SAMMSON: variants seen among roughly 807,000 people sequenced by gnomAD.
SAMMSON encodes long intergenic non-protein coding RNA 1212.
chr3:70,305,334 C>G (rs1351176644), intron 7 of SAMMSON, among the ~76,000 whole-genome samples: 1 of 151,978 alleles, frequency 6.6e-6, no homozygotes, highest in Non-Finnish European at 1.5e-5. Context: ...TTAATGAAAA[C>G]TACAGAAATA....
intron 3 of SAMMSON, among the ~76,000 whole-genome samples, chr3:70,038,735 G>T (rs369661901): frequency 1.3e-5 from 2 of 152,260 alleles, no homozygotes; most frequent in African/African-American, 4.8e-5. Flanking sequence ...GATGGACTCT[G>T]GGAGCCCCAC....
chr3:70,395,595 A>G (rs1427538441), intron 2 of SAMMSON, among the ~76,000 whole-genome samples: 1 of 152,096 alleles, frequency 6.6e-6, no homozygotes, highest in Non-Finnish European at 1.5e-5. Context: ...CTACTCAGAA[A>G]TCTACTTGAG....
At chr3:70,266,790 A>G (rs1435995467) in intron 6 of SAMMSON, among the ~76,000 whole-genome samples, 2 of 152,142 alleles carry the variant, frequency 1.3e-5, no homozygotes, top group African/African-American at 4.8e-5. Context: ...TTGAAACATG[A>G]ATCAGCTTCA....
At chr3:70,064,664 A>G (rs867750014) in intron 3 of SAMMSON, among the ~76,000 whole-genome samples, 2 of 152,124 alleles carry the variant, frequency 1.3e-5, no homozygotes, top group Admixed American at 1.3e-4. Flanking sequence ...CCAAGGGAAG[A>G]AAGCTGTTAG....
intron 7 of SAMMSON, among the ~76,000 whole-genome samples, chr3:70,298,971 C>T (rs1031543615): frequency 6.6e-6 from 1 of 152,120 alleles, no homozygotes; most frequent in Admixed American, 6.5e-5. Context: ...TAAGCTGAGG[C>T]ATTGATGTGC....
At chr3:70,167,566 G>GA (rs1281340620) in intron 4 of SAMMSON, among the ~76,000 whole-genome samples, 1 of 151,880 alleles carries the variant, frequency 6.6e-6, no homozygotes, top group East Asian at 1.9e-4. Flanking sequence ...GCTGAGCTGA[G>GA]AAAAATATGG....
chr3:70,164,907 C>T (rs1472728839), intron 4 of SAMMSON, among the ~76,000 whole-genome samples: 1 of 152,036 alleles, frequency 6.6e-6, no homozygotes, highest in South Asian at 2.1e-4. Context: ...AGAAAACTTA[C>T]AAACTGCTTC....
At chr3:70,144,453 A>G (rs1391484400) in intron 4 of SAMMSON, among the ~76,000 whole-genome samples, 2 of 152,172 alleles carry the variant, frequency 1.3e-5, no homozygotes, top group Non-Finnish European at 2.9e-5. Flanking sequence ...TGCTGCTGTC[A>G]TCAGATTCCC....
intron 3 of SAMMSON, chr3:70,069,973 T>A (rs2067223906): frequency 6.6e-6 from 1 of 152,104 alleles, no homozygotes; most frequent in Non-Finnish European, 1.5e-5. Flanking sequence ...TTCCTTCTGA[T>A]CTGAGTCAAT....
intron 4 of SAMMSON, among the ~76,000 whole-genome samples, chr3:70,209,701 G>A (rs1484359474): frequency 2.0e-5 from 3 of 152,016 alleles, no homozygotes; most frequent in African/African-American, 7.2e-5. Context: ...TGTTTTCTCT[G>A]ATTTATTCTT....
rs113365904 is a variant in SAMMSON, at chr3:70,043,544, G to A, written n.418-27932G>A. 4.0e-3 allele frequency among the ~76,000 whole-genome samples: 608 copies of A among 152,048 alleles called. 7 individuals are homozygous for A. The highest frequency in any genetic ancestry group is 0.014 in the African/African-American group (584 of 41,506). ...ACTGTGGTAGTTGTTTATTTTTGTC[G>A]CTCTTATGTACATTTTCAGAAACCA... is the stretch of plus-strand genomic sequence containing the variant. On this transcript the variant is annotated intron_variant and non_coding_transcript_variant, in intron 3 of 9. Coordinates refer to ENST00000642114, the Ensembl canonical transcript of SAMMSON.
chr3:70,185,182 T>A (rs1559530133), intron 4 of SAMMSON, among the ~76,000 whole-genome samples: 1 of 152,166 alleles, frequency 6.6e-6, no homozygotes, highest in Non-Finnish European at 1.5e-5. Context: ...AGCATCAGAC[T>A]CCACAGAACA....
At chr3:70,022,226 A>G (rs909143303) in intron 3 of SAMMSON, among the ~76,000 whole-genome samples, 2 of 143,082 alleles carry the variant, frequency 1.4e-5, no homozygotes, top group Non-Finnish European at 3.0e-5. Flanking sequence ...TGATATTCCA[A>G]CTGGCCCCCC....
chr3:70,086,356 G>A (rs1179161097), intron 4 of SAMMSON, among the ~76,000 whole-genome samples: 2 of 152,148 alleles, frequency 1.3e-5, no homozygotes, highest in Non-Finnish European at 2.9e-5. Flanking sequence ...TAACCAAGAC[G>A]AATTTGGGTA....
intron 3 of SAMMSON, among the ~76,000 whole-genome samples, chr3:70,060,085 T>C (rs1273798554): frequency 1.3e-5 from 2 of 151,128 alleles, no homozygotes; most frequent in African/African-American, 2.4e-5. Flanking sequence ...GATCTTGAGC[T>C]ATGTCTTAAA....
intron 4 of SAMMSON, among the ~76,000 whole-genome samples, chr3:70,090,745 A>C (rs552594988): frequency 6.6e-6 from 1 of 151,864 alleles, no homozygotes; most frequent in East Asian, 1.9e-4. Context: ...CTAAAGTAAT[A>C]ACCTTTCCAT....
chr3:70,254,240 G>C (rs568102520), intron 6 of SAMMSON, among the ~76,000 whole-genome samples: 1 of 150,812 alleles, frequency 6.6e-6, no homozygotes, highest in South Asian at 2.1e-4. Flanking sequence ...TTTGAATTCT[G>C]TTAAGTTTAA....
At chr3:70,050,168 A>AT (rs1268975072) in intron 3 of SAMMSON, among the ~76,000 whole-genome samples, 1 of 152,174 alleles carries the variant, frequency 6.6e-6, no homozygotes, top group Admixed American at 6.5e-5. Context: ...ATTGTGATCT[A>AT]TATTACTGAA....
intron 4 of SAMMSON, among the ~76,000 whole-genome samples, chr3:70,204,144 A>G (rs898918485): frequency 3.9e-5 from 6 of 152,170 alleles, no homozygotes; most frequent in Admixed American, 1.3e-4. Context: ...TAAATAATAG[A>G]TATTAGCAAT....
Sources: allele counts gnomAD v4.1 joint callset (sites outside exome capture counted in the v4.1 genomes callset), GRCh38; gene constraint gnomAD v4.1.1; transcripts MANE v1.5; gene names NCBI Gene and HGNC (gene_info 2026-07-23, HGNC 2026-07-21).